CSMD1: variants seen among roughly 807,000 people sequenced by gnomAD.
CSMD1 encodes the protein CUB and Sushi multiple domains 1.
A neutral mutation model predicts 417.5 loss-of-function variants in CSMD1; 213 were observed. The observed-to-expected ratio is 0.51, with a 90% confidence interval of 0.46 to 0.57. CSMD1 has a LOEUF of 0.57. Ranked by LOEUF, CSMD1 falls within the 20% of genes least tolerant of loss-of-function variation. The pLI is 0.00. For missense variants in CSMD1, 6,923 were observed against 4,529.7 expected (o/e 1.53, Z -15.17); for synonymous variants, 2,862 against 1,736.8 (o/e 1.65, Z -16.11).
chr8:3,776,411 C>T (rs1283169298), intron 5 of CSMD1, among the ~76,000 whole-genome samples: 1 of 152,182 alleles, frequency 6.6e-6, no homozygotes, highest in Non-Finnish European at 1.5e-5. Context: ...AGGGCTGACA[C>T]CTTCTCACTC....
intron 2 of CSMD1, among the ~76,000 whole-genome samples, chr8:4,502,905 T>C (rs902751134): frequency 2.0e-5 from 3 of 152,150 alleles, no homozygotes; most frequent in African/African-American, 7.2e-5. Context: ...ACCAATTCCT[T>C]CTGGTGTCTT....
chr8:4,480,325 G>A (rs190193162), intron 2 of CSMD1, among the ~76,000 whole-genome samples: 22 of 152,246 alleles, frequency 1.4e-4, no homozygotes, highest in African/African-American at 4.8e-4. Context: ...TGTTTCTGCA[G>A]CCTTTGAGAA....
chr8:3,693,006 T>C (rs887367640), intron 7 of CSMD1, among the ~76,000 whole-genome samples: 3 of 152,206 alleles, frequency 2.0e-5, no homozygotes, highest in Non-Finnish European at 2.9e-5. Context: ...GTAACATTAA[T>C]ATTATATTGG....
chr8:4,928,318 C>A (rs28625126), intron 1 of CSMD1, among the ~76,000 whole-genome samples: 3 of 152,248 alleles, frequency 2.0e-5, no homozygotes, highest in Admixed American at 6.5e-5. Context: ...TATTTTTCTA[C>A]GGAATTTTTG....
At chr8:4,744,497 G>C (rs1810823751) in intron 1 of CSMD1, among the ~76,000 whole-genome samples, 1 of 152,076 alleles carries the variant, frequency 6.6e-6, no homozygotes, top group Non-Finnish European at 1.5e-5. Flanking sequence ...ATTTAGCATA[G>C]GTTTTTCTTT....
intron 2 of CSMD1, among the ~76,000 whole-genome samples, chr8:4,438,780 G>C (rs1007581011): frequency 5.3e-5 from 8 of 152,202 alleles, no homozygotes; most frequent in Non-Finnish European, 1.5e-5. Context: ...TGAATCACAA[G>C]TGCTTGAAGG....
intron 5 of CSMD1, among the ~76,000 whole-genome samples, chr8:3,772,967 G>A (rs183331638): frequency 6.6e-6 from 1 of 152,086 alleles, no homozygotes; most frequent in South Asian, 2.1e-4. Flanking sequence ...CAAGGTGCCA[G>A]TGGATCCCAC....
intron 3 of CSMD1, among the ~76,000 whole-genome samples, chr8:4,237,297 T>C (rs1045553796): frequency 6.6e-5 from 10 of 152,188 alleles, no homozygotes; most frequent in Admixed American, 2.0e-4. Context: ...GAAACAAATA[T>C]TGAGAGGGAA....
chr8:4,672,510 T>C (rs1406987623), intron 1 of CSMD1, among the ~76,000 whole-genome samples: 1 of 152,176 alleles, frequency 6.6e-6, no homozygotes, highest in Non-Finnish European at 1.5e-5. Context: ...AAAGCTTTAA[T>C]AAGGATCTTT....
At chr8:4,137,063 T>G (rs902134345) in intron 3 of CSMD1, among the ~76,000 whole-genome samples, 15 of 152,214 alleles carry the variant, frequency 9.9e-5, no homozygotes, top group Non-Finnish European at 2.1e-4. Context: ...GGCTCTAACT[T>G]CCTTTGCTAC....
intron 55 of CSMD1, 94 bp from the exon 56 acceptor site, chr8:2,974,718 T>C (rs1015373707): frequency 1.3e-5 from 11 of 837,294 alleles, no homozygotes; most frequent in East Asian, 9.1e-5. Flanking sequence ...ACTGACATCA[T>C]GTATTAAAGA....
chr8:4,325,000 G>A (rs1316399647), intron 3 of CSMD1, among the ~76,000 whole-genome samples: 1 of 152,092 alleles, frequency 6.6e-6, no homozygotes, highest in African/African-American at 2.4e-5. Context: ...TGCATTCCTG[G>A]TGTGGTCACT....
intron 49 of CSMD1, among the ~76,000 whole-genome samples, chr8:3,056,360 TTC>T (rs1322568266): frequency 6.6e-6 from 1 of 152,114 alleles, no homozygotes; most frequent in African/African-American, 2.4e-5. Context: ...CTTAAAACGT[TTC>T]TCTGTTTTTT....
At chr8:3,725,114 G>A (rs1286094219) in intron 6 of CSMD1, among the ~76,000 whole-genome samples, 2 of 152,182 alleles carry the variant, frequency 1.3e-5, no homozygotes. Context: ...TGAGTTTTCA[G>A]CAAAGGAGGT....
chr8:3,305,442 G>C (rs1021973979), intron 25 of CSMD1, among the ~76,000 whole-genome samples: 2 of 151,124 alleles, frequency 1.3e-5, no homozygotes, highest in African/African-American at 2.4e-5. Flanking sequence ...AGGTGATTAG[G>C]TCATAAGGGC....
chr8:4,718,081 G>T (rs1808801926), intron 1 of CSMD1, among the ~76,000 whole-genome samples: 1 of 152,108 alleles, frequency 6.6e-6, no homozygotes, highest in Non-Finnish European at 1.5e-5. Flanking sequence ...TGGATCAGGA[G>T]ATCCTCCCAC....
chr8:4,783,527 T>C lies in CSMD1; in HGVS notation c.86-145969A>G, dbSNP rs945635091. Among the ~76,000 whole-genome samples, 8 of 152,222 alleles carry C rather than the reference T, an allele frequency of 5.3e-5. 1 individual carries two copies. Among genetic ancestry groups the C allele is most frequent in the Non-Finnish European group, 1.0e-4 (7 of 68,044 alleles). On this transcript the variant is annotated intron_variant, in intron 1 of 69. Coordinates refer to ENST00000635120, the MANE Select transcript of CSMD1 (RefSeq NM_033225.6). ...ATAAAGAAAAACATTAAAACGTTTA[T>C]GCAAATTACATGGCTTTCCCTGGTT...
chr8:3,090,316 CAAAAAAAAAAAAA>C (rs35534326), intron 48 of CSMD1, among the ~76,000 whole-genome samples: 2 of 79,788 alleles, frequency 2.5e-5, no homozygotes, highest in Non-Finnish European at 4.6e-5. Context: ...GACTGTATTT[CAAAAAAAAAAAAA>C]AAAAAAAAAA....
intron 3 of CSMD1, among the ~76,000 whole-genome samples, chr8:4,258,381 G>C (rs1190695504): frequency 8.0e-5 from 1 of 12,448 alleles, no homozygotes; most frequent in Non-Finnish European, 1.7e-4. Context: ...GAGGGAAGGA[G>C]GGAGGGGAGG....
Sources: allele counts gnomAD v4.1 joint callset (sites outside exome capture counted in the v4.1 genomes callset), GRCh38; gene constraint gnomAD v4.1.1; transcripts MANE v1.5; gene names NCBI Gene and HGNC (gene_info 2026-07-23, HGNC 2026-07-21).